The following SGCZ variants were observed in gnomAD, a reference collection of about 807,000 sequenced individuals.
SGCZ encodes sarcoglycan zeta.
Under a neutral mutation model 41.3 loss-of-function variants are expected in SGCZ, and 40 were observed. That is an observed-to-expected ratio of 0.97 (90% CI 0.75 to 1.26). The LOEUF (loss-of-function observed/expected upper bound fraction) is 1.26, where lower values mean the gene tolerates loss of function less well. Among genes scored for constraint, SGCZ ranks in the 50% most tolerant of loss-of-function variants. The pLI is 0.00. For missense variants in SGCZ, 552 were observed against 369.8 expected (o/e 1.49, Z -4.04); for synonymous variants, 206 against 137.5 (o/e 1.50, Z -3.49).
chr8:14,617,163 T>C (rs1563156024), intron 1 of SGCZ, among the ~76,000 whole-genome samples: 1 of 152,176 alleles, frequency 6.6e-6, no homozygotes, highest in Non-Finnish European at 1.5e-5. Context: ...TTCAATTTTG[T>C]TCCCTAAAGC....
At chr8:14,645,654 A>T (rs892173008) in intron 1 of SGCZ, among the ~76,000 whole-genome samples, 3 of 151,464 alleles carry the variant, frequency 2.0e-5, no homozygotes, top group Non-Finnish European at 4.4e-5. Flanking sequence ...TAACACTATT[A>T]TACCCCATAC....
At chr8:15,069,107 G>C (rs1805260045) in intron 1 of SGCZ, among the ~76,000 whole-genome samples, 1 of 152,148 alleles carries the variant, frequency 6.6e-6, no homozygotes, top group African/African-American at 2.4e-5. Flanking sequence ...AATAATCAAA[G>C]TCTTTATTCT....
intron 2 of SGCZ, among the ~76,000 whole-genome samples, chr8:14,466,687 C>G (rs995457823): frequency 6.6e-6 from 1 of 151,714 alleles, no homozygotes; most frequent in African/African-American, 2.4e-5. Flanking sequence ...TTTCCACTGT[C>G]CTGTCTTCTA....
intron 4 of SGCZ, among the ~76,000 whole-genome samples, chr8:14,195,804 A>T (rs1183045486): frequency 6.6e-6 from 1 of 152,192 alleles, no homozygotes; most frequent in Non-Finnish European, 1.5e-5. Flanking sequence ...AATTCTACAC[A>T]TAATAAAAAT....
At chr8:14,821,018 A>C (rs575708812) in intron 1 of SGCZ, among the ~76,000 whole-genome samples, 2 of 152,080 alleles carry the variant, frequency 1.3e-5, no homozygotes, top group South Asian at 4.1e-4. Flanking sequence ...GATTCAAAAA[A>C]TGAAAAGATC....
Position 15,238,398 on chromosome 8 carries a change from C to T in SGCZ, c.-775G>A, listed in dbSNP as rs1344234997. The T allele has an allele frequency of 6.6e-6, 1 of 152,264 alleles. No homozygotes were observed. The highest frequency in any genetic ancestry group is 6.5e-5 in the Admixed American group (1 of 15,288). The allele number at this position is 152,264 out of a possible 1,614,324, so 9.4% of individuals were successfully genotyped here. A position where few individuals can be genotyped will look rare whatever the true frequency, so the allele number is the denominator to read the frequency against. On this transcript the variant is annotated 5_prime_UTR_variant, in exon 1 of 8. Coordinates refer to ENST00000382080, the MANE Select transcript of SGCZ (RefSeq NM_139167.4). ...TTTACTGGCCTTCACCACCAGGTGACTGACTTCGCTTCTCTCTTCCCACAG... is the reference window on the plus strand; with the variant it reads ...TTTACTGGCCTTCACCACCAGGTGATTGACTTCGCTTCTCTCTTCCCACAG...
At chr8:15,178,060 C>T (rs2117079788) in intron 1 of SGCZ, among the ~76,000 whole-genome samples, 1 of 152,290 alleles carries the variant, frequency 6.6e-6, no homozygotes. Context: ...TCCATGTAAA[C>T]ATTCCACTCT....
Position 14,265,331 on chromosome 8 carries a change from T to C in SGCZ, c.337-27652A>G, listed in dbSNP as rs578104740. 9.8e-5 allele frequency among the ~76,000 whole-genome samples: 15 copies of C among 152,314 alleles called. No homozygotes were observed. The South Asian group carries it at 2.5e-3, about 25-fold the overall frequency. Reference sequence around the variant, plus strand: ...ATATTGACTTTGGAAACAAAAGACGTCATTTTCTTTATAGCATTCTGATTT... The same window carrying C: ...ATATTGACTTTGGAAACAAAAGACGCCATTTTCTTTATAGCATTCTGATTT... On this transcript the variant is annotated intron_variant, in intron 3 of 7. Transcript: ENST00000382080.
chr8:14,208,244 A>T (rs6997719), intron 4 of SGCZ, among the ~76,000 whole-genome samples: 115,076 of 152,098 alleles, frequency 0.76, 44,646 homozygotes, highest in African/African-American at 0.92. Context: ...GATGACAGAT[A>T]ATTTAAAGGC....
At chr8:14,776,127 T>C (rs1800393747) in intron 1 of SGCZ, among the ~76,000 whole-genome samples, 1 of 152,224 alleles carries the variant, frequency 6.6e-6, no homozygotes, top group African/African-American at 2.4e-5. Context: ...TTTTATAGAA[T>C]TTAAAATGTG....
chr8:14,809,054 G>T (rs1179402269), intron 1 of SGCZ, among the ~76,000 whole-genome samples: 1 of 148,992 alleles, frequency 6.7e-6, no homozygotes, highest in Admixed American at 6.8e-5. Context: ...CACAGGAAGG[G>T]GAACATCACA....
Position 14,695,242 on chromosome 8 carries a change from T to A in SGCZ, c.40-140316A>T, listed in dbSNP as rs867998175. ...ATGTATTGCCATCACAACTTATGTA[T>A]AATTCTCTTATGAAAAGCTCTTTTT... On this transcript the variant is annotated intron_variant, in intron 1 of 7. Coordinates refer to ENST00000382080, the MANE Select transcript of SGCZ (RefSeq NM_139167.4). Among the ~76,000 whole-genome samples the A allele has an allele frequency of 4.6e-5, 7 of 152,182 alleles. 1 individual carries two copies. The highest frequency in any genetic ancestry group is 4.1e-4 in the South Asian group (2 of 4,836).
intron 1 of SGCZ, among the ~76,000 whole-genome samples, chr8:15,172,348 G>C (rs1034501570): frequency 4.6e-5 from 7 of 150,888 alleles, no homozygotes; most frequent in Non-Finnish European, 8.9e-5. Flanking sequence ...TTTTAGTAGA[G>C]ACGGGGTTTC....
chr8:14,227,882 A>C (rs936632227), intron 4 of SGCZ, among the ~76,000 whole-genome samples: 1 of 152,078 alleles, frequency 6.6e-6, no homozygotes, highest in Admixed American at 6.6e-5. Context: ...AAGTCAGGAC[A>C]AAAACGTAAC....
chr8:14,683,902 T>A (rs1585180227), intron 1 of SGCZ, among the ~76,000 whole-genome samples: 1 of 152,130 alleles, frequency 6.6e-6, no homozygotes, highest in East Asian at 1.9e-4. Flanking sequence ...ACTATAGAAT[T>A]TCATCAATCT....
intron 1 of SGCZ, among the ~76,000 whole-genome samples, chr8:15,069,422 G>T (rs1052865548): frequency 3.9e-5 from 6 of 152,164 alleles, no homozygotes; most frequent in Non-Finnish European, 7.3e-5. Context: ...AAAAATGCAT[G>T]TAAGGGTTGT....
intron 3 of SGCZ, among the ~76,000 whole-genome samples, chr8:14,284,128 A>G (rs1256353430): frequency 6.6e-6 from 1 of 152,238 alleles, no homozygotes; most frequent in East Asian, 1.9e-4. Context: ...CTCGTGGCCA[A>G]TGCCTGCAAT....
intron 2 of SGCZ, among the ~76,000 whole-genome samples, chr8:14,552,197 C>T (rs1008239073): frequency 3.3e-5 from 5 of 152,012 alleles, no homozygotes; most frequent in South Asian, 2.1e-4. Flanking sequence ...TATTTTACTG[C>T]TCTGATGGAA....
In SGCZ at chr8:14,458,704, T is replaced by C. The variant is rs1357133985; in HGVS notation, c.234+96028A>G. ...GTATCTCTATCTATCTATCTATATA[T>C]CTACCTACCTACCTACCTATAATCT... On this transcript the variant is annotated intron_variant, in intron 2 of 7. Transcript: ENST00000382080. 4.6e-5 allele frequency among the ~76,000 whole-genome samples: 7 copies of C among 152,236 alleles called. No individual in the cohort carries two copies. The East Asian group carries it at 1.4e-3, about 29-fold the overall frequency.
Sources: gnomAD v4.1 joint callset for allele counts (sites outside exome capture counted in the v4.1 genomes callset) on GRCh38, gnomAD v4.1.1 for gene constraint, MANE v1.5 for transcripts, NCBI Gene and HGNC (gene_info 2026-07-23, HGNC 2026-07-21) for gene names.